NEDD9: variants seen among roughly 807,000 people sequenced by gnomAD.
The protein encoded by NEDD9 is enhancer of filamentation 1.
In NEDD9, 26 loss-of-function variants were observed where a neutral mutation model predicts 76.6. The ratio of observed to expected loss-of-function variants is 0.34; its 90% CI spans 0.25 to 0.47. The LOEUF (loss-of-function observed/expected upper bound fraction) is 0.47. Among genes scored for constraint, NEDD9 ranks in the 20% least tolerant of loss-of-function variants. The pLI is 1.00. For missense variants in NEDD9, 937 were observed against 1,058.5 expected (o/e 0.89, Z 1.59); for synonymous variants, 392 against 414.2 (o/e 0.95, Z 0.65).
intron 1 of NEDD9, among the ~76,000 whole-genome samples, chr6:11,347,008 AG>A (rs1025621508): frequency 6.6e-6 from 1 of 152,022 alleles, no homozygotes. Context: ...ATGGGCTAAG[AG>A]GCCCCAAAGC....
chr6:11,233,930 C>T (rs1759548721), upstream of NEDD9, among the ~76,000 whole-genome samples: 1 of 151,950 alleles, frequency 6.6e-6, no homozygotes, highest in Admixed American at 6.5e-5. Flanking sequence ...ATTCCCTTCG[C>T]GTCTAACACA....
rs371035662 is a variant in NEDD9, at chr6:11,192,321, G to A, written c.663+24C>T. ...CAGACACACACACACACTCCTTTTT[G>A]CTGCTTTGTAGTCACTCACTCACCC... is the stretch of plus-strand genomic sequence containing the variant. On this transcript the variant is annotated intron_variant, in intron 4 of 6. Coordinates refer to ENST00000379446, the MANE Select transcript of NEDD9 (RefSeq NM_006403.4). The A allele has an allele frequency of 2.3e-6, 3 of 1,278,392 alleles. No individual in the cohort carries two copies. The African/African-American group carries it at 5.8e-5, about 25-fold the overall frequency. The allele number at this position is 1,278,392 out of a possible 1,614,324, so 79.2% of individuals were successfully genotyped here. A position where few individuals can be genotyped will look rare whatever the true frequency, so the allele number is the denominator to read the frequency against.
intron 3 of NEDD9, among the ~76,000 whole-genome samples, chr6:11,269,621 T>C (rs1760263608): frequency 6.6e-6 from 1 of 152,236 alleles, no homozygotes. Context: ...TCTTTCCTTT[T>C]TAATTCATAC....
At chr6:11,200,048 A>G (rs1476051286) in intron 2 of NEDD9, 1 of 207,126 alleles carries the variant, frequency 4.8e-6, no homozygotes, top group Non-Finnish European at 1.0e-5. Flanking sequence ...GAGAAGAGTT[A>G]ATAGAGGTGA....
intron 5 of NEDD9, among the ~76,000 whole-genome samples, chr6:11,188,947 A>ATTTTTTT (rs34060597): frequency 6.9e-6 from 1 of 145,966 alleles, no homozygotes. Flanking sequence ...ATCTTGGTAG[A>ATTTTTTT]TTTTTTTTTT....
chr6:11,249,953 C>T (rs1759884998), intron 3 of NEDD9, among the ~76,000 whole-genome samples: 1 of 152,224 alleles, frequency 6.6e-6, no homozygotes. Flanking sequence ...ATTCCTGCCA[C>T]AGGCAGGTCC....
intron 3 of NEDD9, among the ~76,000 whole-genome samples, chr6:11,293,986 G>A (rs1760833960): frequency 1.3e-5 from 2 of 149,144 alleles, no homozygotes; most frequent in South Asian, 4.3e-4. Context: ...CTTCAAGGCT[G>A]AATAGAATTC....
At chr6:11,289,954 G>A (rs1370880885) in intron 3 of NEDD9, among the ~76,000 whole-genome samples, 1 of 152,078 alleles carries the variant, frequency 6.6e-6, no homozygotes. Context: ...AAATCCTATA[G>A]ATATATAACC....
chr6:11,287,393 A>G (rs905771236), intron 3 of NEDD9, among the ~76,000 whole-genome samples: 37 of 152,186 alleles, frequency 2.4e-4, no homozygotes, highest in African/African-American at 8.7e-4. Flanking sequence ...GTGTCACTGT[A>G]TGCCAGTCTG....
intron 1 of NEDD9, among the ~76,000 whole-genome samples, chr6:11,378,102 G>C (rs909068940): frequency 6.6e-6 from 1 of 152,138 alleles, no homozygotes; most frequent in Non-Finnish European, 1.5e-5. Context: ...ATTTTGCTGG[G>C]TGTGGTGGCA....
intron 1 of NEDD9, among the ~76,000 whole-genome samples, chr6:11,232,283 G>A (rs1485718639): frequency 1.3e-5 from 2 of 152,210 alleles, no homozygotes; most frequent in Non-Finnish European, 2.9e-5. Flanking sequence ...GCAACTTTCA[G>A]AGCAGATGGA....
chr6:11,368,272 A>G (rs1194874067), intron 1 of NEDD9, among the ~76,000 whole-genome samples: 1 of 152,258 alleles, frequency 6.6e-6, no homozygotes, highest in Non-Finnish European at 1.5e-5. Context: ...ATTTACAGAT[A>G]AAATAAAATA....
chr6:11,201,117 G>A (rs1204598568), intron 2 of NEDD9: 2 of 1,577,410 alleles, frequency 1.3e-6, no homozygotes, highest in Admixed American at 1.7e-5. Context: ...GTCTCAGCAA[G>A]TCTCCTTGGG....
At chr6:11,188,037 G>T (rs1195760381) in intron 6 of NEDD9, among the ~76,000 whole-genome samples, 181 bp downstream of exon 6, 1 of 152,158 alleles carries the variant, frequency 6.6e-6, no homozygotes, top group African/African-American at 2.4e-5. Context: ...GGTACACCCA[G>T]TTGAACTAAC....
intron 3 of NEDD9, among the ~76,000 whole-genome samples, chr6:11,269,841 C>T (rs1374944173): frequency 6.8e-6 from 1 of 146,820 alleles, no homozygotes; most frequent in Non-Finnish European, 1.5e-5. Flanking sequence ...CAAACAAACA[C>T]TCTTGGGCGG....
chr6:11,306,193 T>G, intron 2 of NEDD9: 1 of 686,438 alleles, frequency 1.5e-6, no homozygotes, highest in Admixed American at 2.7e-5. Context: ...GTTGGTAAGA[T>G]CTGAAAAAAA....
intron 2 of NEDD9, among the ~76,000 whole-genome samples, chr6:11,212,906 C>G (rs942415063): frequency 6.6e-6 from 1 of 152,100 alleles, no homozygotes; most frequent in Non-Finnish European, 1.5e-5. Context: ...CAGGCTTGTA[C>G]GAGATTTGGT....
At chr6:11,353,445 C>G (rs892696260) in intron 1 of NEDD9, among the ~76,000 whole-genome samples, 3 of 152,192 alleles carry the variant, frequency 2.0e-5, no homozygotes, top group Non-Finnish European at 4.4e-5. Flanking sequence ...GATGCTGCCA[C>G]AAGCCCAGGA....
chr6:11,220,012 A>G lies in NEDD9; in HGVS notation c.13-6285T>C, dbSNP rs536601708. Reference sequence around the variant, plus strand: ...AAGCTTTCAATACAGGAGACAGAAGATATGATAAGTTATGATATAATATAA... The same window carrying G: ...AAGCTTTCAATACAGGAGACAGAAGGTATGATAAGTTATGATATAATATAA... On this transcript the variant is annotated intron_variant, in intron 1 of 6. Coordinates refer to ENST00000379446, the MANE Select transcript of NEDD9 (RefSeq NM_006403.4). 5.3e-5 allele frequency among the ~76,000 whole-genome samples: 8 copies of G among 152,340 alleles called. No homozygotes were observed. In the East Asian group the frequency reaches 1.5e-3, roughly 29 times the overall value.
Sources: gnomAD v4.1 joint callset for allele counts (sites outside exome capture counted in the v4.1 genomes callset) on GRCh38, gnomAD v4.1.1 for gene constraint, MANE v1.5 for transcripts, NCBI Gene and HGNC (gene_info 2026-07-23, HGNC 2026-07-21) for gene names.